Variants in PANX1 observed in about 807,000 individuals in gnomAD.
The protein encoded by PANX1 is pannexin 1, also known as pannexin-1.
In PANX1, 30 loss-of-function variants were observed where a neutral mutation model predicts 38.7. The observed-to-expected ratio is 0.78, with a 90% CI of 0.58 to 1.05. The LOEUF (loss-of-function observed/expected upper bound fraction) is 1.05. Ranked by LOEUF, PANX1 falls within the 50% of genes least tolerant of loss-of-function variation. The pLI is 0.00. For missense variants in PANX1, 551 were observed against 517.2 expected, an observed-to-expected ratio of 1.07 and a Z score of -0.63; for synonymous variants, 230 against 212.2, an observed-to-expected ratio of 1.08 and a Z score of -0.73.
chr11:94,151,174 C>T (rs1303125695), intron 1 of PANX1, among the ~76,000 whole-genome samples: 1 of 152,176 alleles, frequency 6.6e-6, no homozygotes, highest in Non-Finnish European at 1.5e-5. Flanking sequence ...TTTCTTCTGA[C>T]TTTCCATTCC....
chr11:94,174,623 G>A (rs1947209424), intron 2 of PANX1, among the ~76,000 whole-genome samples: 1 of 151,456 alleles, frequency 6.6e-6, no homozygotes, highest in Admixed American at 6.6e-5. Context: ...GTGTAATCTT[G>A]GGGCAGACTC....
intron 1 of PANX1, among the ~76,000 whole-genome samples, chr11:94,142,882 T>C (rs988354456): frequency 6.6e-6 from 1 of 152,258 alleles, no homozygotes; most frequent in Admixed American, 6.5e-5. Context: ...GCTCCTGGTA[T>C]AAAGGCCATG....
At chr11:94,163,256 G>A (rs1947069175) in intron 2 of PANX1, among the ~76,000 whole-genome samples, 1 of 152,272 alleles carries the variant, frequency 6.6e-6, no homozygotes, top group Middle Eastern at 3.4e-3. Context: ...AATGTATAAT[G>A]AGCAAATCAG....
chr11:94,138,124 C>T (rs1946722569), intron 1 of PANX1, among the ~76,000 whole-genome samples: 1 of 152,014 alleles, frequency 6.6e-6, no homozygotes, highest in Admixed American at 6.6e-5. Context: ...TAAGATTTGA[C>T]TGGTGTGGTT....
At chr11:94,146,428 CTG>C (rs2134486084) in intron 1 of PANX1, among the ~76,000 whole-genome samples, 1 of 152,334 alleles carries the variant, frequency 6.6e-6, no homozygotes, top group South Asian at 2.1e-4. Context: ...AATATTGACC[CTG>C]TCTGCGAGGA....
At chr11:94,130,814 G>A (rs1203108330) in intron 1 of PANX1, among the ~76,000 whole-genome samples, 2 of 152,200 alleles carry the variant, frequency 1.3e-5, no homozygotes, top group Middle Eastern at 3.2e-3. Flanking sequence ...TGTTGGTGGT[G>A]ATGGGAATTG....
chr11:94,168,232 GCA>G (rs1330396651), intron 2 of PANX1, among the ~76,000 whole-genome samples: 1 of 152,196 alleles, frequency 6.6e-6, no homozygotes, highest in East Asian at 1.9e-4. Context: ...AGGGTGGGAA[GCA>G]CTTTCTGGGG....
At chr11:94,151,887 G>C (rs1236490528) in intron 1 of PANX1, among the ~76,000 whole-genome samples, 1 of 152,136 alleles carries the variant, frequency 6.6e-6, no homozygotes, top group Non-Finnish European at 1.5e-5. Flanking sequence ...GTCCTTTCTT[G>C]ATGGCTGTGG....
At chr11:94,132,722 C>T (rs959318589) in intron 1 of PANX1, among the ~76,000 whole-genome samples, 1 of 152,068 alleles carries the variant, frequency 6.6e-6, no homozygotes, top group South Asian at 2.1e-4. Flanking sequence ...TATAAAATCC[C>T]CTCAAGCGTA....
rs1346839586 is a variant in PANX1 at position 94,179,939 on chromosome 11, CTGTT to C, written c.888_891del (p.Val297HisfsTer31). On this transcript the variant is annotated frameshift_variant, in exon 4 of 5. Coordinates refer to ENST00000227638, the MANE Select transcript of PANX1 (RefSeq NM_015368.4). LOFTEE classifies it high-confidence loss of function. ...GCTGGCTCCCGTGGTTGTCTACACG[CTGTT>C]TGTTCCATTCCGACAGAAGACAGAT... The C allele has an allele frequency of 8.1e-6, 13 of 1,606,046 alleles. No individual in the cohort carries two copies. Among genetic ancestry groups the C allele is most frequent in the Middle Eastern group, 1.7e-4 (1 of 6,032 alleles).
chr11:94,139,596 A>C (rs947231886), intron 1 of PANX1, among the ~76,000 whole-genome samples: 1 of 152,220 alleles, frequency 6.6e-6, no homozygotes, highest in Non-Finnish European at 1.5e-5. Flanking sequence ...AAGGGAACCA[A>C]CTATGTGATT....
rs901057610 is a variant in PANX1, at chr11:94,158,423, T to C, written c.321+4793T>C. On this transcript the variant is annotated intron_variant, in intron 2 of 4. Transcript: ENST00000227638. ...TTTGTTTGTGTCCTCTTTAATTTCA[T>C]TGAGCAGTGGTTTGTAGTTCTCCTT... 3.3e-4 allele frequency among the ~76,000 whole-genome samples: 51 copies of C among 152,338 alleles called. 1 individual carries two copies. The highest frequency in any genetic ancestry group is 2.1e-3 in the South Asian group (10 of 4,828).
intron 2 of PANX1, among the ~76,000 whole-genome samples, chr11:94,170,635 A>G (rs1423860263): frequency 6.6e-6 from 1 of 151,722 alleles, no homozygotes; most frequent in African/African-American, 2.4e-5. Flanking sequence ...CAGACTCGGG[A>G]CTGTTAAGCT....
At chr11:94,166,922 A>G (rs1276764245) in intron 2 of PANX1, among the ~76,000 whole-genome samples, 4 of 152,206 alleles carry the variant, frequency 2.6e-5, no homozygotes, top group African/African-American at 7.2e-5. Flanking sequence ...CCAGTGCAGC[A>G]CCAGGGCTTG....
chr11:94,132,603 GGTGT>G (rs370452320), intron 1 of PANX1, among the ~76,000 whole-genome samples: 1 of 151,784 alleles, frequency 6.6e-6, no homozygotes, highest in Non-Finnish European at 1.5e-5. Flanking sequence ...TTGGGGGGGT[GGTGT>G]GTGTGTGTAT....
intron 1 of PANX1, among the ~76,000 whole-genome samples, chr11:94,132,694 A>G (rs1946644486): frequency 6.6e-6 from 1 of 152,210 alleles, no homozygotes; most frequent in South Asian, 2.1e-4. Flanking sequence ...AGTATATATA[A>G]GAATTCATCT....
intron 1 of PANX1, among the ~76,000 whole-genome samples, chr11:94,151,606 A>G (rs2134491640): frequency 6.6e-6 from 1 of 152,314 alleles, no homozygotes; most frequent in Admixed American, 6.5e-5. Context: ...AAGCCTTGGT[A>G]GGTGGTTGGC....
chr11:94,147,899 G>A (rs942648481), intron 1 of PANX1, among the ~76,000 whole-genome samples: 22 of 152,232 alleles, frequency 1.4e-4, no homozygotes, highest in African/African-American at 5.1e-4. Flanking sequence ...CAACAGGGTT[G>A]GGGAGGGAAG....
chr11:94,145,828 G>T (rs182589519), intron 1 of PANX1, among the ~76,000 whole-genome samples: 32 of 152,332 alleles, frequency 2.1e-4, no homozygotes, highest in Admixed American at 1.8e-3. Flanking sequence ...GATTCTCACT[G>T]TGAAAGAAGA....
Sources: allele counts gnomAD v4.1 joint callset (sites outside exome capture counted in the v4.1 genomes callset), GRCh38; gene constraint gnomAD v4.1.1; transcripts MANE v1.5; gene names NCBI Gene and HGNC (gene_info 2026-07-23, HGNC 2026-07-21).